The following MYRFL variants were observed in gnomAD, a reference collection of about 807,000 sequenced individuals.
MYRFL encodes the protein myelin regulatory factor like.
In MYRFL, 88 loss-of-function variants were observed where a neutral mutation model predicts 109.4. That is an observed-to-expected ratio of 0.80 (90% confidence interval 0.68 to 0.96). The LOEUF (loss-of-function observed/expected upper bound fraction) is 0.96, where lower values mean the gene tolerates loss of function less well. MYRFL is among the 40% of genes least tolerant of loss of function. The pLI, the probability that MYRFL is intolerant of heterozygous loss-of-function variation, is 0.00. For synonymous variants in MYRFL, 324 were observed against 320.9 expected (o/e 1.01, Z -0.10); for missense variants, 957 against 954.9 (o/e 1.00, Z -0.03).
At chr12:69,896,360 T>C (rs1196566632) in intron 9 of MYRFL, among the ~76,000 whole-genome samples, 1 of 152,180 alleles carries the variant, frequency 6.6e-6, no homozygotes, top group Non-Finnish European at 1.5e-5. Flanking sequence ...CTGATTTACT[T>C]TAGATGCAGA....
chr12:69,904,382 C>T (rs4761273), intron 11 of MYRFL: 30,215 of 152,308 alleles, frequency 0.2, 3,149 homozygotes, highest in South Asian at 0.29. Context: ...CCAAGAGTTC[C>T]GGGTGAAGAC....
At chr12:69,834,989 G>T (rs1242931572) in intron 1 of MYRFL, among the ~76,000 whole-genome samples, 2 of 152,138 alleles carry the variant, frequency 1.3e-5, no homozygotes, top group Non-Finnish European at 2.9e-5. Flanking sequence ...TGTTATTATT[G>T]TCCTGTTCTT....
At chr12:69,833,144 G>T (rs1022174017) in intron 1 of MYRFL, among the ~76,000 whole-genome samples, 1 of 152,104 alleles carries the variant, frequency 6.6e-6, no homozygotes, top group Non-Finnish European at 1.5e-5. Flanking sequence ...AGAGTCATCA[G>T]TTTAAAGCCC....
intron 1 of MYRFL, among the ~76,000 whole-genome samples, chr12:69,847,459 A>C (rs1203121882): frequency 1.3e-5 from 2 of 152,232 alleles, no homozygotes; most frequent in Non-Finnish European, 2.9e-5. Flanking sequence ...ATGATTACAA[A>C]AGTAATACAT....
At chr12:69,944,399 T>C (rs1307209973) in intron 19 of MYRFL, among the ~76,000 whole-genome samples, 14 of 138,510 alleles carry the variant, frequency 1.0e-4, no homozygotes, top group South Asian at 2.5e-4. Context: ...ATGGATGAAA[T>C]TGGAAATCAT....
chr12:69,847,828 T>C (rs1024661690), intron 1 of MYRFL, among the ~76,000 whole-genome samples: 1 of 152,206 alleles, frequency 6.6e-6, no homozygotes, highest in African/African-American at 2.4e-5. Context: ...AGAAGCAGCA[T>C]TTGCTTTCAA....
chr12:69,950,611 C>T (rs999856454), intron 19 of MYRFL, among the ~76,000 whole-genome samples: 1 of 152,126 alleles, frequency 6.6e-6, no homozygotes, highest in Non-Finnish European at 1.5e-5. Context: ...CTGTTATACT[C>T]ACTCGAGAAG....
chr12:69,872,272 G>A (rs1043622548), intron 2 of MYRFL, among the ~76,000 whole-genome samples: 4 of 152,140 alleles, frequency 2.6e-5, no homozygotes, highest in South Asian at 2.1e-4. Context: ...TATTTCAAGT[G>A]TTTTTGCAGG....
chr12:69,860,699 G>A (rs908540116), intron 2 of MYRFL, among the ~76,000 whole-genome samples: 1 of 150,924 alleles, frequency 6.6e-6, no homozygotes, highest in Non-Finnish European at 1.5e-5. Context: ...TTAATATATT[G>A]ATTGCCTTTT....
chr12:69,891,424 C>T (rs1489887341), intron 7 of MYRFL, among the ~76,000 whole-genome samples: 1 of 152,180 alleles, frequency 6.6e-6, no homozygotes, highest in Non-Finnish European at 1.5e-5. Context: ...TCAGCTGGAG[C>T]TCAAATGGGG....
At chr12:69,862,190 C>T (rs1399814770) in intron 2 of MYRFL, among the ~76,000 whole-genome samples, 1 of 151,136 alleles carries the variant, frequency 6.6e-6, no homozygotes, top group East Asian at 1.9e-4. Flanking sequence ...CATGATGCCT[C>T]CAGCTTTGTT....
chr12:69,890,644 A>G (rs1425610819), intron 6 of MYRFL, among the ~76,000 whole-genome samples: 2 of 152,206 alleles, frequency 1.3e-5, no homozygotes, highest in Non-Finnish European at 2.9e-5. Flanking sequence ...TTGAGGCAGG[A>G]GAATTGCTTG....
intron 19 of MYRFL, among the ~76,000 whole-genome samples, chr12:69,939,196 C>T (rs1432396886): frequency 6.6e-6 from 1 of 152,246 alleles, no homozygotes; most frequent in African/African-American, 2.4e-5. Flanking sequence ...CACCACAGCT[C>T]AAGGAGGCCT....
At chr12:69,955,108 T>C (rs1321987891) in intron 21 of MYRFL, among the ~76,000 whole-genome samples, 1 of 152,182 alleles carries the variant, frequency 6.6e-6, no homozygotes, top group African/African-American at 2.4e-5. Context: ...TCCATCATTG[T>C]TTTTTTCTGT....
rs924056907 is a variant in MYRFL, at chr12:69,910,804, G to T, written c.1493-17G>T. On this transcript the variant is annotated splice_polypyrimidine_tract_variant and intron_variant, in intron 12 of 24. Coordinates refer to ENST00000552032, the MANE Select transcript of MYRFL (RefSeq NM_182530.3). ...TCTTTCTTTGAAGATTAAACCTGTG[G>T]AGTGTTTTGTATACAGGAATGATTG... The T allele has an allele frequency of 6.7e-7, 1 of 1,494,360 alleles. No homozygotes were observed. The highest frequency in any genetic ancestry group is 9.0e-7 in the Non-Finnish European group (1 of 1,110,180). 92.6% of individuals were successfully genotyped at this position (1,494,360 alleles called of 1,614,324 possible). A position where few individuals can be genotyped will look rare whatever the true frequency, so the allele number is the denominator to read the frequency against.
At chr12:69,846,351 C>T (rs1210539872) in intron 1 of MYRFL, among the ~76,000 whole-genome samples, 2 of 149,786 alleles carry the variant, frequency 1.3e-5, no homozygotes, top group African/African-American at 4.9e-5. Flanking sequence ...CACCCCACCC[C>T]ACAATAGTCC....
In MYRFL at chr12:69,825,496, ATAGTAC is replaced by A; in HGVS notation, c.-18_-13del. The stretch of plus-strand genomic sequence containing the variant: ...CTGATAACCGTTGTTTTATGAGGAA[ATAGTAC>A]TAGGATCACAGTACCATGGATGTGG... On this transcript the variant is annotated 5_prime_UTR_variant, in exon 1 of 25. Coordinates refer to ENST00000552032, the MANE Select transcript of MYRFL (RefSeq NM_182530.3). 1 of 700,962 alleles carries A rather than the reference ATAGTAC, an allele frequency of 1.4e-6. No individual in the cohort carries two copies. The highest frequency in any genetic ancestry group is 2.6e-6 in the Non-Finnish European group (1 of 383,952). The allele number at this position is 700,962 out of a possible 1,614,324, so 43.4% of individuals were successfully genotyped here. A position where few individuals can be genotyped will look rare whatever the true frequency, so the allele number is the denominator to read the frequency against.
intron 2 of MYRFL, among the ~76,000 whole-genome samples, chr12:69,878,508 A>T (rs1002815959): frequency 1.6e-4 from 24 of 152,192 alleles, no homozygotes; most frequent in African/African-American, 5.3e-4. Flanking sequence ...TACATAATAG[A>T]TGTATATATA....
At chr12:69,862,142 G>T (rs1471324885) in intron 2 of MYRFL, among the ~76,000 whole-genome samples, 7 of 151,098 alleles carry the variant, frequency 4.6e-5, no homozygotes, top group Non-Finnish European at 8.9e-5. Context: ...TGCTGTTTTG[G>T]TTACTGTAGC....
Sources: allele counts gnomAD v4.1 joint callset (sites outside exome capture counted in the v4.1 genomes callset), GRCh38; gene constraint gnomAD v4.1.1; transcripts MANE v1.5; gene names NCBI Gene and HGNC (gene_info 2026-07-23, HGNC 2026-07-21).